The following PPP2R2C variants were observed in gnomAD, a reference collection of about 807,000 sequenced individuals.
The protein encoded by PPP2R2C is protein phosphatase 2, regulatory subunit B, gamma.
PPP2R2C carries 10 observed loss-of-function variants against 45.3 expected under a neutral mutation model. The observed-to-expected ratio is 0.22, with a 90% CI of 0.14 to 0.37. The LOEUF (loss-of-function observed/expected upper bound fraction) is 0.37. Ranked by LOEUF, PPP2R2C falls within the 10% of genes least tolerant of loss-of-function variation. PPP2R2C has a pLI of 1.00. For missense variants in PPP2R2C, 308 were observed against 619.7 expected (o/e 0.50, Z 5.34); for synonymous variants, 257 against 245.4 (o/e 1.05, Z -0.44).
intron 2 of PPP2R2C, among the ~76,000 whole-genome samples, chr4:6,493,241 G>A (rs1056348303): frequency 2.6e-5 from 4 of 151,864 alleles, no homozygotes; most frequent in Non-Finnish European, 5.9e-5. Context: ...ACGCACGCGC[G>A]CGCACATACA....
At chr4:6,553,411 G>A (rs62287292) in intron 1 of PPP2R2C, among the ~76,000 whole-genome samples, 6,153 of 152,258 alleles carry the variant, frequency 0.04, 166 homozygotes, top group Non-Finnish European at 0.06. Flanking sequence ...AAACATCCTC[G>A]TCCCCCTATC....
At chr4:6,356,284 G>A (rs1020773290) in intron 5 of PPP2R2C, among the ~76,000 whole-genome samples, 2 of 152,208 alleles carry the variant, frequency 1.3e-5, no homozygotes, top group Admixed American at 6.5e-5. Context: ...CTGGCTGGGT[G>A]GGACTAGCTT....
intron 5 of PPP2R2C, among the ~76,000 whole-genome samples, chr4:6,352,688 C>T (rs1027396396): frequency 3.3e-5 from 5 of 152,158 alleles, no homozygotes; most frequent in South Asian, 4.1e-4. Flanking sequence ...AAGGTAAAAT[C>T]GCTCTTCAAT....
chr4:6,433,111 G>A (rs749519073), intron 1 of PPP2R2C, among the ~76,000 whole-genome samples: 1 of 152,138 alleles, frequency 6.6e-6, no homozygotes, highest in Admixed American at 6.5e-5. Context: ...GTTTTTGGAA[G>A]TCCAATCAAG....
intron 1 of PPP2R2C, among the ~76,000 whole-genome samples, chr4:6,434,803 T>G (rs1018387557): frequency 6.6e-6 from 1 of 152,074 alleles, no homozygotes; most frequent in African/African-American, 2.4e-5. Context: ...AAAAAAACAG[T>G]ATCTTAACTT....
intron 2 of PPP2R2C, among the ~76,000 whole-genome samples, chr4:6,497,642 CA>C (rs1292736963): frequency 6.6e-6 from 1 of 152,180 alleles, no homozygotes; most frequent in Admixed American, 6.5e-5. Context: ...GCCCAAAGTA[CA>C]AACCATCAAC....
intron 2 of PPP2R2C, among the ~76,000 whole-genome samples, chr4:6,534,383 TAC>T (rs201981176): frequency 1.6e-5 from 2 of 126,446 alleles, no homozygotes; most frequent in East Asian, 2.4e-4. Context: ...CACACCAACA[TAC>T]ACACACACCA....
intron 5 of PPP2R2C, chr4:6,349,287 G>C (rs1712309267): frequency 1.0e-6 from 1 of 985,314 alleles, no homozygotes; most frequent in South Asian, 4.7e-5. Flanking sequence ...TCTGGGGTTT[G>C]AATCCCAGCT....
chr4:6,336,094 C>T (rs56197648), intron 6 of PPP2R2C, among the ~76,000 whole-genome samples: 36,717 of 151,948 alleles, frequency 0.24, 4,630 homozygotes, highest in Admixed American at 0.27. Context: ...CTAGTTTATC[C>T]ACTAATAAGT....
intron 1 of PPP2R2C, chr4:6,383,358 T>C: frequency 7.8e-7 from 1 of 1,289,696 alleles, no homozygotes; most frequent in Non-Finnish European, 1.0e-6. Context: ...CATTTACTGT[T>C]GTATGCACGG....
At chr4:6,411,146 C>G (rs1382541454) in intron 1 of PPP2R2C, among the ~76,000 whole-genome samples, 2 of 152,080 alleles carry the variant, frequency 1.3e-5, no homozygotes, top group Non-Finnish European at 2.9e-5. Context: ...GCTTGGATTA[C>G]AGGTGTGAGC....
At chr4:6,416,723 T>C (rs993592171) in intron 1 of PPP2R2C, among the ~76,000 whole-genome samples, 2 of 152,322 alleles carry the variant, frequency 1.3e-5, no homozygotes, top group East Asian at 1.9e-4. Flanking sequence ...GCAGCAGCAC[T>C]GGGCTCTGAG....
chr4:6,342,538 G>C (rs956432360), intron 6 of PPP2R2C, among the ~76,000 whole-genome samples: 1 of 152,196 alleles, frequency 6.6e-6, no homozygotes, highest in Non-Finnish European at 1.5e-5. Context: ...CACGTCGTTG[G>C]GGGCCTATGA....
intron 2 of PPP2R2C, among the ~76,000 whole-genome samples, chr4:6,515,767 CTGCCATAAT>C (rs549763776): frequency 6.6e-6 from 1 of 152,234 alleles, no homozygotes; most frequent in African/African-American, 2.4e-5. Context: ...TTTGCTAGCA[CTGCCATAAT>C]AAAGTACTGT....
chr4:6,506,243 C>T (rs1299946574), intron 2 of PPP2R2C, among the ~76,000 whole-genome samples: 1 of 152,118 alleles, frequency 6.6e-6, no homozygotes, highest in East Asian at 1.9e-4. Context: ...TAAAAACTTC[C>T]AATATCTATT....
chr4:6,441,495 G>C (rs1272460093), intron 1 of PPP2R2C, among the ~76,000 whole-genome samples: 2 of 152,100 alleles, frequency 1.3e-5, no homozygotes, highest in Non-Finnish European at 2.9e-5. Context: ...GCTGCCACCA[G>C]TCCCCACACA....
chr4:6,466,830 A>G (rs1448019031), intron 1 of PPP2R2C, among the ~76,000 whole-genome samples: 3 of 152,252 alleles, frequency 2.0e-5, no homozygotes, highest in African/African-American at 7.2e-5. Flanking sequence ...AGAAAATGAG[A>G]AAAACCGTGC....
At chr4:6,398,578 G>T (rs545510562) in intron 1 of PPP2R2C, among the ~76,000 whole-genome samples, 1 of 152,182 alleles carries the variant, frequency 6.6e-6, no homozygotes, top group South Asian at 2.1e-4. Flanking sequence ...TCAGAGTGGC[G>T]AACATTAAAA....
At chr4:6,395,564 G>A (rs1202286063) in intron 1 of PPP2R2C, among the ~76,000 whole-genome samples, 1 of 152,228 alleles carries the variant, frequency 6.6e-6, no homozygotes, top group African/African-American at 2.4e-5. Flanking sequence ...GAAGGTGTGG[G>A]GTAGGGTGTG....
Sources: gnomAD v4.1 joint callset for allele counts (sites outside exome capture counted in the v4.1 genomes callset) on GRCh38, gnomAD v4.1.1 for gene constraint, MANE v1.5 for transcripts, NCBI Gene and HGNC (gene_info 2026-07-23, HGNC 2026-07-21) for gene names.